Variants in TM4SF4 observed in about 807,000 individuals in gnomAD.
TM4SF4 encodes the protein transmembrane 4 L six family member 4, also known as transmembrane 4 L6 family member 4.
A neutral mutation model predicts 24.1 loss-of-function variants in TM4SF4; 24 were observed. The observed-to-expected ratio is 1.00, with a 90% CI of 0.72 to 1.40. TM4SF4 has a LOEUF of 1.40. Among genes scored for constraint, TM4SF4 ranks in the 40% most tolerant of loss-of-function variants. TM4SF4 has a pLI of 0.00. For synonymous variants in TM4SF4, 113 were observed against 97.0 expected (o/e 1.17, Z -0.97); for missense variants, 254 against 254.2 (o/e 1.00, Z 0.01).
chr3:149,500,903 T>C (rs1016325416), intron 4 of TM4SF4, among the ~76,000 whole-genome samples: 16 of 151,886 alleles, frequency 1.1e-4, no homozygotes, highest in African/African-American at 3.9e-4. Flanking sequence ...CATGCACCTG[T>C]AGTCCCAGCT....
At chr3:149,477,648 A>G (rs1446722587) in intron 2 of TM4SF4, among the ~76,000 whole-genome samples, 1 of 152,232 alleles carries the variant, frequency 6.6e-6, no homozygotes, top group African/African-American at 2.4e-5. Flanking sequence ...GAGTCCCAAA[A>G]AAGTATTGAT....
At chr3:149,476,814 G>GTTTTTTTTT (rs67092416) in intron 2 of TM4SF4, among the ~76,000 whole-genome samples, 7 of 81,178 alleles carry the variant, frequency 8.6e-5, no homozygotes, top group African/African-American at 2.4e-4. Context: ...TTTTGTTTTT[G>GTTTTTTTTT]TTTTTTTTTT....
intron 3 of TM4SF4, among the ~76,000 whole-genome samples, chr3:149,491,147 G>A (rs1436958036): frequency 6.6e-6 from 1 of 151,642 alleles, no homozygotes; most frequent in Admixed American, 6.6e-5. Context: ...TTAGTAAAAG[G>A]ATTTTTTTTT....
intron 2 of TM4SF4, among the ~76,000 whole-genome samples, chr3:149,483,837 G>T (rs571360339): frequency 1.3e-5 from 2 of 152,238 alleles, no homozygotes; most frequent in Admixed American, 1.3e-4. Context: ...CTGGAGTGCA[G>T]CGGTGTGATC....
rs113494918 is a variant in TM4SF4 at position 149,496,174 on chromosome 3, A to ATT, written c.402-2538_402-2537dup. Among the ~76,000 whole-genome samples the ATT allele has an allele frequency of 8.6e-4, 127 of 148,402 alleles. 3 individuals carry two copies. The South Asian group carries it at 0.012, about 14-fold the overall frequency. On this transcript the variant is annotated intron_variant, in intron 3 of 4. Transcript: ENST00000305354. ...GAGAATGTTTTGTTGACCATTTGGG[A>ATT]TTTTTTTTTTTCATGCAGCAGTTTT...
intron 2 of TM4SF4, among the ~76,000 whole-genome samples, chr3:149,485,984 G>A (rs1453874311): frequency 6.6e-6 from 1 of 152,148 alleles, no homozygotes; most frequent in Non-Finnish European, 1.5e-5. Context: ...TCAATCAGAT[G>A]AGTTGGCAAA....
At chr3:149,483,928 A>G (rs1478339336) in intron 2 of TM4SF4, among the ~76,000 whole-genome samples, 1 of 151,884 alleles carries the variant, frequency 6.6e-6, no homozygotes, top group Non-Finnish European at 1.5e-5. Flanking sequence ...CTACAGGTGC[A>G]CACTACCATG....
intron 4 of TM4SF4, among the ~76,000 whole-genome samples, chr3:149,499,228 T>C (rs903087002): frequency 6.6e-6 from 1 of 152,190 alleles, no homozygotes; most frequent in Non-Finnish European, 1.5e-5. Flanking sequence ...TTTACAATGA[T>C]GTTTATATGA....
intron 2 of TM4SF4, among the ~76,000 whole-genome samples, chr3:149,478,047 T>C (rs893497340): frequency 6.6e-5 from 10 of 152,258 alleles, no homozygotes; most frequent in African/African-American, 2.4e-4. Flanking sequence ...ATAACCACAG[T>C]GAGAAGTGAG....
chr3:149,488,970 G>A (rs549693726), intron 3 of TM4SF4, among the ~76,000 whole-genome samples: 3 of 152,218 alleles, frequency 2.0e-5, no homozygotes, highest in Admixed American at 2.0e-4. Context: ...TCAGGCTGGG[G>A]AAGTGAAGGG....
intron 3 of TM4SF4, chr3:149,494,541 A>G (rs966688685): frequency 2.6e-5 from 4 of 152,164 alleles, no homozygotes; most frequent in Admixed American, 2.0e-4. Context: ...AAAGGACTAA[A>G]TGGAAAAATG....
intron 3 of TM4SF4, among the ~76,000 whole-genome samples, chr3:149,487,980 C>A (rs770431615): frequency 6.6e-6 from 1 of 152,202 alleles, no homozygotes; most frequent in African/African-American, 2.4e-5. Context: ...TAAAAGAGGA[C>A]GGATGCCTCC....
In TM4SF4 at chr3:149,474,815, G is replaced by C; in HGVS notation, c.-63G>C. 1.3e-6 allele frequency: 2 copies of C among 1,515,514 alleles called. No homozygotes were observed. The highest frequency in any genetic ancestry group is 2.6e-5 in the South Asian group (2 of 75,504). The allele number at this position is 1,515,514 out of a possible 1,614,324, so 93.9% of individuals were successfully genotyped here. A position where few individuals can be genotyped will look rare whatever the true frequency, so the allele number is the denominator to read the frequency against. On this transcript the variant is annotated 5_prime_UTR_variant, in exon 1 of 5. Coordinates refer to ENST00000305354, the MANE Select transcript of TM4SF4 (RefSeq NM_004617.4). ...GACTCTCTGGCCAAAAACCCTTGAA[G>C]AGGCCCCGTGAAGGAGGCAGTGAGG...
intron 4 of TM4SF4, among the ~76,000 whole-genome samples, chr3:149,500,679 G>A (rs4441598): frequency 0.054 from 8,149 of 152,118 alleles, 281 homozygotes; most frequent in Admixed American, 0.076. Flanking sequence ...ATTTTAGCTG[G>A]GTGGTAAATT....
At position 149,503,015 on chromosome 3, in the gene TM4SF4, G is replaced by T. The variant is rs1734456873; in HGVS notation, c.*322G>T. On this transcript the variant is annotated 3_prime_UTR_variant, in exon 5 of 5. Coordinates refer to ENST00000305354, the MANE Select transcript of TM4SF4 (RefSeq NM_004617.4). ...TAAAATGTATAAAGTCACATGTACT[G>T]CCATACTACTTCTTTGTATATAAAG... is the stretch of plus-strand genomic sequence containing the variant. The T allele has an allele frequency of 7.8e-6, 2 of 256,002 alleles. No individual in the cohort carries two copies. Among genetic ancestry groups the T allele is most frequent in the African/African-American group, 4.5e-5 (2 of 44,654 alleles). The allele number at this position is 256,002 out of a possible 1,614,324, so 15.9% of individuals were successfully genotyped here. A position where few individuals can be genotyped will look rare whatever the true frequency, so the allele number is the denominator to read the frequency against.
chr3:149,499,410 A>G (rs1470754286), intron 4 of TM4SF4, among the ~76,000 whole-genome samples: 3 of 152,202 alleles, frequency 2.0e-5, no homozygotes, highest in African/African-American at 7.2e-5. Context: ...ATGGGAAGAA[A>G]AAAGGGAAAT....
chr3:149,475,205 T>A (rs1000323737), intron 1 of TM4SF4, among the ~76,000 whole-genome samples, 154 bp downstream of exon 1: 1 of 152,134 alleles, frequency 6.6e-6, no homozygotes, highest in African/African-American at 2.4e-5. Context: ...TTTTTTCTCG[T>A]TTCTGTTAGG....
intron 2 of TM4SF4, among the ~76,000 whole-genome samples, chr3:149,485,088 A>G (rs1158864398): frequency 6.6e-6 from 1 of 152,214 alleles, no homozygotes; most frequent in African/African-American, 2.4e-5. Context: ...TACCTGATAG[A>G]TGAAATAAGG....
At chr3:149,477,581 T>C (rs1238810724) in intron 2 of TM4SF4, among the ~76,000 whole-genome samples, 1 of 152,234 alleles carries the variant, frequency 6.6e-6, no homozygotes, top group African/African-American at 2.4e-5. Flanking sequence ...GCTGCTCCAA[T>C]GTGCATACAT....
Sources: gnomAD v4.1 joint callset for allele counts (sites outside exome capture counted in the v4.1 genomes callset) on GRCh38, gnomAD v4.1.1 for gene constraint, MANE v1.5 for transcripts, NCBI Gene and HGNC (gene_info 2026-07-23, HGNC 2026-07-21) for gene names.